Variants in ADAMTS17 observed in about 807,000 individuals in gnomAD.
The protein encoded by ADAMTS17 is ADAM metallopeptidase with thrombospondin type 1 motif 17, also known as A disintegrin and metalloproteinase with thrombospondin motifs 17.
In ADAMTS17, 113 loss-of-function variants were observed where a neutral mutation model predicts 141.5. The observed-to-expected ratio is 0.80, with a 90% CI of 0.69 to 0.93. ADAMTS17 has a LOEUF of 0.93. ADAMTS17 is among the 40% of genes least tolerant of loss of function. The pLI is 0.00. For missense variants in ADAMTS17, 1,659 were observed against 1,517.9 expected (o/e 1.09, Z -1.54); for synonymous variants, 768 against 630.6 (o/e 1.22, Z -3.27).
chr15:100,017,366 C>G (rs954876791), intron 18 of ADAMTS17, among the ~76,000 whole-genome samples: 2 of 152,196 alleles, frequency 1.3e-5, no homozygotes, highest in African/African-American at 2.4e-5. Flanking sequence ...TGCCCTCCCC[C>G]CAAGTTCTGG....
At chr15:100,180,782 A>C (rs1031613376) in intron 8 of ADAMTS17, among the ~76,000 whole-genome samples, 2 of 152,184 alleles carry the variant, frequency 1.3e-5, no homozygotes, top group African/African-American at 4.8e-5. Flanking sequence ...AGCTATTATA[A>C]ATGGGATTAC....
At chr15:100,163,332 G>C (rs1293404338) in intron 8 of ADAMTS17, among the ~76,000 whole-genome samples, 2 of 152,112 alleles carry the variant, frequency 1.3e-5, no homozygotes, top group African/African-American at 4.8e-5. Context: ...CACCCTGAGA[G>C]TGTGTGAGAT....
chr15:100,291,357 G>T (rs55994040), intron 3 of ADAMTS17, among the ~76,000 whole-genome samples: 2,238 of 152,312 alleles, frequency 0.015, 38 homozygotes, highest in African/African-American at 0.051. Flanking sequence ...GCAGATGCTG[G>T]CGAGGTTGTA....
At chr15:100,139,970 G>A (rs1360351627) in intron 10 of ADAMTS17, among the ~76,000 whole-genome samples, 1 of 151,946 alleles carries the variant, frequency 6.6e-6, no homozygotes, top group Non-Finnish European at 1.5e-5. Flanking sequence ...ATGGTTCTAC[G>A]GGCATGTAAG....
At position 100,161,522 on chromosome 15, in the gene ADAMTS17, G is replaced by A. The variant is rs532457547; in HGVS notation, c.1182-6202C>T. On this transcript the variant is annotated intron_variant, in intron 8 of 21. Transcript: ENST00000268070. ...CATAGCCCTGTGGGGATACTGCCTG[G>A]CAATTCCTATTCAATAGATGCTTAT... 2.5e-4 allele frequency among the ~76,000 whole-genome samples: 38 copies of A among 152,282 alleles called. No homozygotes were observed. The South Asian group carries it at 7.9e-3, about 32-fold the overall frequency.
At chr15:100,180,894 C>A (rs748120539) in intron 8 of ADAMTS17, among the ~76,000 whole-genome samples, 4 of 152,186 alleles carry the variant, frequency 2.6e-5, no homozygotes, top group Non-Finnish European at 5.9e-5. Flanking sequence ...CTTGTCCTTC[C>A]CTTCAGGGCG....
At position 100,117,795 on chromosome 15, in the gene ADAMTS17, G is replaced by A. The variant is rs144417899; in HGVS notation, c.1722-782C>T. On this transcript the variant is annotated intron_variant, in intron 12 of 21. Coordinates refer to ENST00000268070, the MANE Select transcript of ADAMTS17 (RefSeq NM_139057.4). The stretch of plus-strand genomic sequence containing the variant: ...TTCCATTCGTTTCCATGATGCCAAG[G>A]TCATCATGATGGAATAAGATTTCTT... Among the ~76,000 whole-genome samples the A allele has an allele frequency of 5.1e-4, 78 of 152,286 alleles. No homozygotes were observed. The East Asian group carries it at 0.014, about 27-fold the overall frequency.
At chr15:100,050,982 G>A (rs898163200) in intron 17 of ADAMTS17, among the ~76,000 whole-genome samples, 1 of 152,186 alleles carries the variant, frequency 6.6e-6, no homozygotes, top group African/African-American at 2.4e-5. Context: ...CAGGCTCTTT[G>A]GCTCACCCTG....
At chr15:100,109,492 G>T (rs1163928018) in intron 13 of ADAMTS17, among the ~76,000 whole-genome samples, 10 of 152,062 alleles carry the variant, frequency 6.6e-5, no homozygotes, top group African/African-American at 2.4e-4. Context: ...GAAGGGAGGG[G>T]GAGGGGAAGG....
intron 18 of ADAMTS17, among the ~76,000 whole-genome samples, chr15:100,024,815 G>C (rs2061474586): frequency 6.6e-6 from 1 of 152,182 alleles, no homozygotes; most frequent in Non-Finnish European, 1.5e-5. Context: ...CCCCTGCTTT[G>C]GATGTTCCCT....
At chr15:100,050,525 CACAG>C (rs2032058398) in intron 17 of ADAMTS17, among the ~76,000 whole-genome samples, 2 of 152,182 alleles carry the variant, frequency 1.3e-5, no homozygotes. Context: ...ATAGGCTAAG[CACAG>C]ACAGTGAGGG....
At chr15:100,135,379 G>A (rs891525932) in intron 10 of ADAMTS17, among the ~76,000 whole-genome samples, 2 of 151,820 alleles carry the variant, frequency 1.3e-5, no homozygotes, top group African/African-American at 2.4e-5. Context: ...CGCCTCCCAG[G>A]TTCACGCCAT....
chr15:100,260,111 C>T (rs2043464847), intron 6 of ADAMTS17, among the ~76,000 whole-genome samples: 1 of 152,048 alleles, frequency 6.6e-6, no homozygotes, highest in South Asian at 2.1e-4. Flanking sequence ...TCCCAAAGTG[C>T]TGGGATTACA....
chr15:100,054,893 C>T (rs535984180), intron 15 of ADAMTS17, among the ~76,000 whole-genome samples: 20 of 152,258 alleles, frequency 1.3e-4, no homozygotes, highest in Admixed American at 9.2e-4. Context: ...TTTTCTGAGT[C>T]GCTCACCAGG....
chr15:100,152,749 T>G lies in ADAMTS17; in HGVS notation c.1336A>C (p.Thr446Pro), dbSNP rs1229142196. ...LENFLKSKVS[T>P]CLLVTDPRSQ... ...CTGGGGTCCGTGACTAGCAAGCAGG[T>G]GCTGACTTTTGACCTGAAACAGCCG... The change falls in exon 10 of 22, where the codon ACC becomes CCC. Residue 446 changes from threonine (T) to proline (P), a missense_variant. Transcript: ENST00000268070. 6.2e-7 allele frequency: 1 copy of G among 1,614,140 alleles called. No individual in the cohort carries two copies. The highest frequency in any genetic ancestry group is 1.3e-5 in the African/African-American group (1 of 75,040).
chr15:100,014,788 C>A (rs549734091), intron 18 of ADAMTS17, among the ~76,000 whole-genome samples: 1 of 152,294 alleles, frequency 6.6e-6, no homozygotes, highest in East Asian at 1.9e-4. Context: ...ACCATACGGT[C>A]TATCTTGGAG....
intron 15 of ADAMTS17, among the ~76,000 whole-genome samples, chr15:100,080,025 G>T (rs529285681): frequency 1.1e-4 from 17 of 152,306 alleles, no homozygotes; most frequent in African/African-American, 4.1e-4. Context: ...GGCCGTATAT[G>T]TTCTGAATTA....
intron 7 of ADAMTS17, among the ~76,000 whole-genome samples, chr15:100,215,078 T>A (rs2041928456): frequency 6.6e-6 from 1 of 152,214 alleles, no homozygotes; most frequent in Admixed American, 6.5e-5. Context: ...AACCCAAGAA[T>A]GTGGACTGCT....
intron 7 of ADAMTS17, among the ~76,000 whole-genome samples, chr15:100,240,039 G>T (rs563872352): frequency 6.6e-6 from 1 of 152,170 alleles, no homozygotes; most frequent in Non-Finnish European, 1.5e-5. Context: ...CAGGCTGTGC[G>T]GCAGATCAGT....
Sources: allele counts gnomAD v4.1 joint callset (sites outside exome capture counted in the v4.1 genomes callset), GRCh38; gene constraint gnomAD v4.1.1; transcripts MANE v1.5; gene names NCBI Gene and HGNC (gene_info 2026-07-23, HGNC 2026-07-21).